Variants in MAL2 observed in about 807,000 individuals in gnomAD.
MAL2 encodes protein MAL2.
A neutral mutation model predicts 18.1 loss-of-function variants in MAL2; 17 were observed. The observed-to-expected ratio is 0.94, with a 90% CI of 0.64 to 1.41. MAL2 has a LOEUF of 1.41. Ranked by LOEUF, MAL2 falls within the 40% of genes most tolerant of loss-of-function variation. The probability of loss-of-function intolerance (pLI) is 0.00; values close to 1 mark genes in which losing one functional copy is unlikely to be tolerated. For synonymous variants in MAL2, 102 were observed against 102.3 expected (o/e 1.00, Z 0.02); for missense variants, 222 against 231.9 (o/e 0.96, Z 0.28).
At chr8:119,238,992 C>G (rs1169516770) in intron 2 of MAL2, among the ~76,000 whole-genome samples, 3 of 151,260 alleles carry the variant, frequency 2.0e-5, no homozygotes, top group Non-Finnish European at 2.9e-5. Flanking sequence ...AACAGGCAAC[C>G]TACAAAATGG....
At chr8:119,216,064 G>A (rs1290620535) in intron 1 of MAL2, among the ~76,000 whole-genome samples, 1 of 151,722 alleles carries the variant, frequency 6.6e-6, no homozygotes, top group East Asian at 1.9e-4. Context: ...GATGTTTCCT[G>A]TGCAGCACCC....
intron 2 of MAL2, among the ~76,000 whole-genome samples, chr8:119,227,885 C>T (rs1231923235): frequency 6.6e-6 from 1 of 152,144 alleles, no homozygotes; most frequent in Admixed American, 6.5e-5. Context: ...TTCCTCTTCT[C>T]AGCTTTCCTG....
At chr8:119,233,802 G>C (rs1346779149) in intron 2 of MAL2, among the ~76,000 whole-genome samples, 1 of 151,854 alleles carries the variant, frequency 6.6e-6, no homozygotes, top group East Asian at 1.9e-4. Flanking sequence ...TAGAAAAAGA[G>C]AGAATCCTCC....
rs1818085779 is a variant in MAL2 at position 119,243,305 on chromosome 8, CGAA to C, written c.460-110_460-108del. ...CAATGTAAAATATTTTTGTAAGTGT[CGAA>C]GTATCTTTAGGTAGATTGTTGGTCA... On this transcript the variant is annotated intron_variant, in intron 3 of 3. Transcript: ENST00000614891. 8.3e-6 allele frequency: 5 copies of C among 605,386 alleles called. No homozygotes were observed. In the South Asian group the frequency reaches 2.0e-4, roughly 25 times the overall value. 37.5% of individuals were successfully genotyped at this position (605,386 alleles called of 1,614,324 possible).
rs370258084 is a variant in MAL2, at chr8:119,211,696, A to ATTTTT, written c.132+3107_132+3111dup. 2.2e-5 allele frequency among the ~76,000 whole-genome samples: 3 copies of ATTTTT among 135,584 alleles called. No individual in the cohort carries two copies. In the Admixed American group the frequency reaches 2.3e-4, roughly 10 times the overall value. 88.9% of individuals were successfully genotyped at this position (135,584 alleles called of 152,430 possible). A position where few individuals can be genotyped will look rare whatever the true frequency, so the allele number is the denominator to read the frequency against. On this transcript the variant is annotated intron_variant, in intron 1 of 3. Transcript: ENST00000614891. ...ATATTACAATCTCACGTGCATAGTG[A>ATTTTT]TTTTTTTTTTTTTTTTTTTGAGATA...
In MAL2 at chr8:119,239,236, T is replaced by C. The variant is rs866780973; in HGVS notation, c.304-929T>C. On this transcript the variant is annotated intron_variant, in intron 2 of 3. Coordinates refer to ENST00000614891, the MANE Select transcript of MAL2 (RefSeq NM_052886.3). ...AAAACCACAATGAGATATCATCTCA[T>C]ACCAGTTAGAATGGCAATCATTAAA... Among the ~76,000 whole-genome samples, 1,162 of 151,320 alleles carry C rather than the reference T, an allele frequency of 7.7e-3. 14 individuals carry two copies. The highest frequency in any genetic ancestry group is 0.025 in the African/African-American group (1,010 of 41,170).
rs1008252658 is a variant in MAL2 at position 119,233,112 on chromosome 8, C to T, written c.304-7053C>T. ...AAATGAAGGTAGAAATAAAGATGTT[C>T]TTTGAAACCAATGAGAACAAAGACA... On this transcript the variant is annotated intron_variant, in intron 2 of 3. Transcript: ENST00000614891. Among the ~76,000 whole-genome samples, 2 of 152,124 alleles carry T rather than the reference C, an allele frequency of 1.3e-5. 1 individual carries two copies. The highest frequency in any genetic ancestry group is 4.8e-5 in the African/African-American group (2 of 41,424).
At chr8:119,241,082 AG>A (rs1259156873) in intron 3 of MAL2, among the ~76,000 whole-genome samples, 1 of 152,172 alleles carries the variant, frequency 6.6e-6, no homozygotes, top group East Asian at 1.9e-4. Context: ...TATGTTCCCC[AG>A]GTAGCCTATA....
intron 1 of MAL2, among the ~76,000 whole-genome samples, chr8:119,210,561 T>C (rs1259550700): frequency 6.6e-6 from 1 of 152,220 alleles, no homozygotes; most frequent in Non-Finnish European, 1.5e-5. Flanking sequence ...TCACTAGTTA[T>C]TTTTTAAAGC....
At chr8:119,224,629 G>A (rs1817544420) in intron 2 of MAL2, among the ~76,000 whole-genome samples, 1 of 151,910 alleles carries the variant, frequency 6.6e-6, no homozygotes, top group Non-Finnish European at 1.5e-5. Flanking sequence ...TGAGATGTTA[G>A]TGTAACAGCC....
chr8:119,237,787 T>C (rs1233699508), intron 2 of MAL2, among the ~76,000 whole-genome samples: 13 of 149,234 alleles, frequency 8.7e-5, no homozygotes, highest in Non-Finnish European at 1.6e-4. Context: ...TGGGACGTAT[T>C]TCAAAATAGT....
intron 1 of MAL2, among the ~76,000 whole-genome samples, chr8:119,213,110 T>C (rs1415871941): frequency 6.6e-6 from 1 of 151,972 alleles, no homozygotes; most frequent in Non-Finnish European, 1.5e-5. Context: ...AGAGAGAGGT[T>C]TGAGGTTTGG....
chr8:119,243,361 C>CTGTT, intron 3 of MAL2, 56 bp from the exon 4 acceptor site: 1 of 1,366,312 alleles, frequency 7.3e-7, no homozygotes, highest in Middle Eastern at 1.8e-4. Context: ...CTTTAGGACA[C>CTGTT]TGTTTATAAG....
chr8:119,240,428 G>A, intron 3 of MAL2, 108 bp downstream of exon 3: 3 of 1,148,278 alleles, frequency 2.6e-6, no homozygotes, highest in Non-Finnish European at 3.7e-6. Context: ...GCTAGCCATT[G>A]GCATTAAATA....
At chr8:119,217,467 T>C (rs1461748708) in intron 1 of MAL2, among the ~76,000 whole-genome samples, 3 of 152,128 alleles carry the variant, frequency 2.0e-5, no homozygotes, top group Non-Finnish European at 2.9e-5. Context: ...GAAGCAAAGG[T>C]AGTCTTTTTG....
chr8:119,215,209 G>A (rs1042855007), intron 1 of MAL2: 5 of 152,178 alleles, frequency 3.3e-5, no homozygotes, highest in African/African-American at 1.2e-4. Context: ...GGTGGTGGGT[G>A]TCACCAATAA....
chr8:119,232,341 C>T (rs896481961), intron 2 of MAL2, among the ~76,000 whole-genome samples: 1 of 151,844 alleles, frequency 6.6e-6, no homozygotes, highest in African/African-American at 2.4e-5. Flanking sequence ...AGTCATTTAA[C>T]TGAAAAGAAA....
chr8:119,213,605 G>A (rs2129775423), intron 1 of MAL2, among the ~76,000 whole-genome samples: 1 of 152,218 alleles, frequency 6.6e-6, no homozygotes, highest in East Asian at 1.9e-4. Flanking sequence ...GATCACCTGA[G>A]GTCAGGAGTT....
At position 119,244,747 on chromosome 8, in the gene MAL2, A is replaced by G. The variant is rs1447437090; in HGVS notation, c.*1259A>G. On this transcript the variant is annotated 3_prime_UTR_variant, in exon 4 of 4. Transcript: ENST00000614891. ...ACTGGTGACAGACAAAATCTGTTTT[A>G]AAATCATATCCAGCACAAAAACTAT... 6.6e-6 allele frequency: 1 copy of G among 152,324 alleles called. No homozygotes were observed. Among genetic ancestry groups the G allele is most frequent in the East Asian group, 1.9e-4 (1 of 5,192 alleles). The allele number at this position is 152,324 out of a possible 1,614,324, so 9.4% of individuals were successfully genotyped here.
Sources: allele counts gnomAD v4.1 joint callset (sites outside exome capture counted in the v4.1 genomes callset), GRCh38; gene constraint gnomAD v4.1.1; transcripts MANE v1.5; gene names NCBI Gene and HGNC (gene_info 2026-07-23, HGNC 2026-07-21).